FRY: variants seen among roughly 807,000 people sequenced by gnomAD.
FRY encodes protein furry homolog.
FRY carries 128 observed loss-of-function variants against 348.4 expected under a neutral mutation model. The observed-to-expected ratio is 0.37, with a 90% CI of 0.32 to 0.43. The LOEUF (loss-of-function observed/expected upper bound fraction) is 0.43. Ranked by LOEUF, FRY falls within the 20% of genes least tolerant of loss-of-function variation. The pLI is 1.00. For synonymous variants in FRY, 1,370 were observed against 1,374.7 expected, an observed-to-expected ratio of 1.00 and a Z score of 0.08; for missense variants, 2,736 against 3,695.2, an observed-to-expected ratio of 0.74 and a Z score of 6.73.
At chr13:32,040,492 A>G (rs76191203) in intron 1 of FRY, among the ~76,000 whole-genome samples, 83 of 152,350 alleles carry the variant, frequency 5.4e-4, no homozygotes, top group Non-Finnish European at 9.6e-4. Context: ...AGCCAGACTG[A>G]AGGAGACTGA....
intron 17 of FRY, among the ~76,000 whole-genome samples, chr13:32,161,884 T>C (rs778622405): frequency 3.9e-5 from 6 of 152,244 alleles, no homozygotes; most frequent in Non-Finnish European, 5.9e-5. Flanking sequence ...AATTATCTTA[T>C]TATAATTTAG....
chr13:32,048,222 ATGTCG>A (rs1390381696), intron 1 of FRY, among the ~76,000 whole-genome samples: 2 of 152,178 alleles, frequency 1.3e-5, no homozygotes, highest in East Asian at 3.9e-4. Flanking sequence ...CTTTGCTAGC[ATGTCG>A]CCCCTCAGTG....
At chr13:32,146,256 G>A (rs1880441885) in intron 11 of FRY, among the ~76,000 whole-genome samples, 1 of 151,872 alleles carries the variant, frequency 6.6e-6, no homozygotes, top group South Asian at 2.1e-4. Context: ...TAGCTCAAAT[G>A]TGTGTGCATT....
At chr13:32,046,766 A>G (rs866463870) in intron 1 of FRY, among the ~76,000 whole-genome samples, 1 of 152,216 alleles carries the variant, frequency 6.6e-6, no homozygotes. Context: ...CGGAGAAGCC[A>G]TGATGTTTTA....
At chr13:32,278,169 A>G (rs548830499) in intron 57 of FRY, among the ~76,000 whole-genome samples, 2 of 152,322 alleles carry the variant, frequency 1.3e-5, no homozygotes, top group African/African-American at 4.8e-5. Context: ...AGCCATATAT[A>G]TTCATTTACA....
intron 33 of FRY, among the ~76,000 whole-genome samples, 180 bp from the exon 34 acceptor site, chr13:32,210,686 G>A (rs546400261): frequency 3.1e-4 from 47 of 152,280 alleles, no homozygotes; most frequent in Non-Finnish European, 5.9e-4. Context: ...CAGACGTGCC[G>A]ATGAAGAGAG....
At chr13:32,208,497 C>G (rs1884487792) in intron 31 of FRY, among the ~76,000 whole-genome samples, 1 of 152,236 alleles carries the variant, frequency 6.6e-6, no homozygotes, top group African/African-American at 2.4e-5. Flanking sequence ...TCACATGCCA[C>G]TAGTATGTGG....
chr13:32,286,255 T>C (rs527680470), intron 58 of FRY, among the ~76,000 whole-genome samples: 8 of 152,312 alleles, frequency 5.3e-5, no homozygotes, highest in African/African-American at 1.7e-4. Context: ...TGAAAGAGCT[T>C]TAAAATAAGG....
Position 32,201,252 on chromosome 13 carries a change from C to T in FRY, c.3747-689C>T, listed in dbSNP as rs1187259258. Among the ~76,000 whole-genome samples the T allele has an allele frequency of 2.0e-5, 3 of 152,166 alleles. No individual in the cohort carries two copies. In the East Asian group the frequency reaches 5.8e-4, roughly 29 times the overall value. On this transcript the variant is annotated intron_variant, in intron 29 of 60. Coordinates refer to ENST00000542859, the MANE Select transcript of FRY (RefSeq NM_023037.3). ...TGGAACACTCCTGTACTACCCCTTC[C>T]GTGACCTGGCTAATGTCACCTGGTG...
At chr13:32,261,550 G>C in intron 51 of FRY, 66 bp from the exon 52 acceptor site, 1 of 1,246,718 alleles carries the variant, frequency 8.0e-7, no homozygotes. Context: ...ATGACTAATT[G>C]AATGTGTGAA....
intron 18 of FRY, among the ~76,000 whole-genome samples, chr13:32,171,607 C>A (rs894504594): frequency 5.3e-5 from 8 of 151,966 alleles, no homozygotes; most frequent in Non-Finnish European, 1.2e-4. Flanking sequence ...CCACCATGCC[C>A]GGCTGAATTT....
intron 3 of FRY, among the ~76,000 whole-genome samples, chr13:32,106,776 GAAGAA>G (rs1167611566): frequency 5.3e-5 from 8 of 152,074 alleles, no homozygotes; most frequent in Non-Finnish European, 8.8e-5. Context: ...ACCTAAGGAA[GAAGAA>G]AAGAAAAAGA....
At chr13:32,164,388 G>A (rs1593685988) in intron 17 of FRY, among the ~76,000 whole-genome samples, 1 of 151,992 alleles carries the variant, frequency 6.6e-6, no homozygotes, top group African/African-American at 2.4e-5. Flanking sequence ...CATGCAGGTT[G>A]TCCATCCCTC....
chr13:32,209,212 CAT>C, intron 32 of FRY, 103 bp downstream of exon 32: 1 of 1,289,046 alleles, frequency 7.8e-7, no homozygotes, highest in Non-Finnish European at 1.1e-6. Context: ...TTAAAAATCA[CAT>C]GACTGGGGAT....
chr13:32,189,119 G>T (rs1384822281), intron 28 of FRY, among the ~76,000 whole-genome samples: 1 of 152,008 alleles, frequency 6.6e-6, no homozygotes, highest in Admixed American at 6.6e-5. Context: ...TGGAAGAATT[G>T]CCCCATACAT....
At chr13:32,246,115 G>T (rs1355701102) in intron 47 of FRY, among the ~76,000 whole-genome samples, 1 of 152,194 alleles carries the variant, frequency 6.6e-6, no homozygotes, top group Non-Finnish European at 1.5e-5. Flanking sequence ...GCCCCATTTT[G>T]TTGTTTAATG....
chr13:32,159,123 A>G (rs205005), intron 16 of FRY, among the ~76,000 whole-genome samples: 104,890 of 151,876 alleles, frequency 0.69, 36,660 homozygotes, highest in East Asian at 0.98. Flanking sequence ...ACTTTTTCTA[A>G]GGTTCTTCTT....
At chr13:32,186,190 A>G in intron 26 of FRY, 70 bp from the exon 27 acceptor site, 1 of 1,164,534 alleles carries the variant, frequency 8.6e-7, no homozygotes, top group Non-Finnish European at 1.3e-6. Context: ...CTCAAAATGT[A>G]AGAAATATAT....
intron 11 of FRY, among the ~76,000 whole-genome samples, chr13:32,141,923 A>G (rs1160031841): frequency 6.6e-6 from 1 of 152,310 alleles, no homozygotes; most frequent in Non-Finnish European, 1.5e-5. Context: ...AATTGTATCA[A>G]TGAACCTCAG....
Sources: gnomAD v4.1 joint callset for allele counts (sites outside exome capture counted in the v4.1 genomes callset) on GRCh38, gnomAD v4.1.1 for gene constraint, MANE v1.5 for transcripts, NCBI Gene and HGNC (gene_info 2026-07-23, HGNC 2026-07-21) for gene names.